The following CTNNBL1 variants were observed in gnomAD, a reference collection of about 807,000 sequenced individuals.
CTNNBL1 encodes the protein catenin beta like 1.
In CTNNBL1, 31 loss-of-function variants were observed where a neutral mutation model predicts 72.7. The observed-to-expected ratio is 0.43, with a 90% CI of 0.32 to 0.58. The LOEUF (loss-of-function observed/expected upper bound fraction) is 0.58, where lower values mean the gene tolerates loss of function less well. CTNNBL1 is among the 20% of genes least tolerant of loss of function. CTNNBL1 has a pLI of 0.08. For synonymous variants in CTNNBL1, 240 were observed against 267.3 expected, an observed-to-expected ratio of 0.90 and a Z score of 1.00; for missense variants, 534 against 725.1, an observed-to-expected ratio of 0.74 and a Z score of 3.03.
chr20:37,710,572 C>T (rs183732254), intron 1 of CTNNBL1, among the ~76,000 whole-genome samples: 2 of 152,278 alleles, frequency 1.3e-5, no homozygotes, highest in Admixed American at 6.5e-5. Flanking sequence ...TTGCCCCCCC[C>T]ACTGCCATCC....
intron 13 of CTNNBL1, 50 bp from the exon 14 acceptor site, chr20:37,859,849 C>A: frequency 6.3e-7 from 1 of 1,594,266 alleles, no homozygotes; most frequent in Non-Finnish European, 8.6e-7. Flanking sequence ...TCCATTCTTT[C>A]CTCCCATTCA....
At chr20:37,844,083 G>T (rs1428719789) in intron 13 of CTNNBL1, among the ~76,000 whole-genome samples, 2 of 152,106 alleles carry the variant, frequency 1.3e-5, no homozygotes, top group Admixed American at 1.3e-4. Flanking sequence ...TAAATTGTGG[G>T]AATAATGTAC....
chr20:37,838,196 G>A (rs1454353006), intron 11 of CTNNBL1, among the ~76,000 whole-genome samples: 1 of 152,232 alleles, frequency 6.6e-6, no homozygotes, highest in Non-Finnish European at 1.5e-5. Context: ...GTCTGAGTTG[G>A]GGAGTCACTG....
At position 37,737,453 on chromosome 20, in the gene CTNNBL1, T is replaced by C; in HGVS notation, c.295T>C (p.Leu99=). ...FEKRSYKNQE[L]RIKFPDNPEK... ...AAAGAGATCATATAAAAACCAAGAA[T>C]TGCGGATTAAGTTTCCAGACAATCC... Residue 99 remains leucine (L), a synonymous_variant, in exon 3 of 16, where the codon TTG becomes CTG. Transcript: ENST00000361383. 1 of 1,612,854 alleles carries C rather than the reference T, an allele frequency of 6.2e-7. No individual in the cohort carries two copies. The highest frequency in any genetic ancestry group is 2.2e-5 in the East Asian group (1 of 44,848).
chr20:37,747,434 A>G (rs1446098877), intron 4 of CTNNBL1, among the ~76,000 whole-genome samples: 1 of 148,088 alleles, frequency 6.8e-6, no homozygotes, highest in Non-Finnish European at 1.5e-5. Flanking sequence ...AGCATTTAAT[A>G]TTTGTTGAGT....
chr20:37,867,939 C>G (rs1003115175), intron 15 of CTNNBL1, among the ~76,000 whole-genome samples: 3 of 152,140 alleles, frequency 2.0e-5, no homozygotes, highest in African/African-American at 7.2e-5. Context: ...GAGCACTAGG[C>G]CAGTGGATGA....
chr20:37,853,323 C>T (rs147000177), intron 13 of CTNNBL1, among the ~76,000 whole-genome samples: 1 of 152,330 alleles, frequency 6.6e-6, no homozygotes, highest in African/African-American at 2.4e-5. Flanking sequence ...TATTATAGAT[C>T]AGACTCCTTC....
intron 4 of CTNNBL1, among the ~76,000 whole-genome samples, chr20:37,756,581 G>C (rs1478366674): frequency 1.4e-5 from 2 of 142,808 alleles, no homozygotes; most frequent in East Asian, 4.1e-4. Flanking sequence ...TCTCCTTCAT[G>C]TTTTCTTTTC....
intron 10 of CTNNBL1, among the ~76,000 whole-genome samples, chr20:37,800,018 T>C (rs1489844039): frequency 6.6e-6 from 1 of 152,222 alleles, no homozygotes. Context: ...CCTGGCTGGC[T>C]AGTCTGACCC....
Position 37,709,474 on chromosome 20 carries a change from T to A in CTNNBL1, c.30+15322T>A, listed in dbSNP as rs146256748. The stretch of plus-strand genomic sequence containing the variant: ...GGTATATAATGTTGGAATGCGATTT[T>A]CTTTGCAGCTTTGTATAAAAAGAAA... On this transcript the variant is annotated intron_variant, in intron 1 of 15. Transcript: ENST00000361383. Among the ~76,000 whole-genome samples the A allele has an allele frequency of 2.8e-3, 428 of 152,362 alleles. 5 individuals carry two copies. Among genetic ancestry groups the A allele is most frequent in the East Asian group, 0.017 (89 of 5,194 alleles).
intron 1 of CTNNBL1, among the ~76,000 whole-genome samples, chr20:37,698,413 T>A (rs572356778): frequency 2.0e-4 from 31 of 152,290 alleles, no homozygotes; most frequent in African/African-American, 7.5e-4. Context: ...AAAAACCAGC[T>A]CTAGGCCTTT....
chr20:37,799,942 A>G (rs2073810032), intron 10 of CTNNBL1, among the ~76,000 whole-genome samples: 1 of 152,188 alleles, frequency 6.6e-6, no homozygotes, highest in African/African-American at 2.4e-5. Flanking sequence ...GATGGCCTGT[A>G]GCTCCAAGGG....
At chr20:37,780,210 CA>C in intron 10 of CTNNBL1, among the ~76,000 whole-genome samples, 1 of 150,930 alleles carries the variant, frequency 6.6e-6, no homozygotes, top group South Asian at 2.1e-4. Flanking sequence ...CTTAAAACTT[CA>C]AGTATACTGA....
chr20:37,799,932 G>C (rs904003962), intron 10 of CTNNBL1, among the ~76,000 whole-genome samples: 3 of 152,138 alleles, frequency 2.0e-5, no homozygotes, highest in Non-Finnish European at 4.4e-5. Context: ...AGTAAACCAG[G>C]ATGGCCTGTA....
At chr20:37,753,394 A>G (rs1231364514) in intron 4 of CTNNBL1, among the ~76,000 whole-genome samples, 2 of 152,158 alleles carry the variant, frequency 1.3e-5, no homozygotes, top group Non-Finnish European at 2.9e-5. Flanking sequence ...TTTGTCTAAA[A>G]TGTTTCTTAT....
At chr20:37,825,212 G>A (rs983016877) in intron 11 of CTNNBL1, among the ~76,000 whole-genome samples, 1 of 151,950 alleles carries the variant, frequency 6.6e-6, no homozygotes, top group South Asian at 2.1e-4. Context: ...AATTAGTCGG[G>A]CATGGTGGCA....
chr20:37,844,191 A>G (rs1221304198), intron 13 of CTNNBL1, among the ~76,000 whole-genome samples: 1 of 152,212 alleles, frequency 6.6e-6, no homozygotes, highest in African/African-American at 2.4e-5. Context: ...CAGCCCTGAC[A>G]GAATCCCCGA....
chr20:37,760,414 C>G (rs2073405918), intron 5 of CTNNBL1, among the ~76,000 whole-genome samples: 1 of 152,200 alleles, frequency 6.6e-6, no homozygotes, highest in Non-Finnish European at 1.5e-5. Flanking sequence ...ATCCCTTTAT[C>G]TCTTCCCTTT....
chr20:37,714,415 T>C (rs942554298), intron 1 of CTNNBL1, among the ~76,000 whole-genome samples: 2 of 152,250 alleles, frequency 1.3e-5, no homozygotes, highest in Non-Finnish European at 2.9e-5. Flanking sequence ...TTTTCTTGCC[T>C]TTTCCTTGAT....
Sources: allele counts gnomAD v4.1 joint callset (sites outside exome capture counted in the v4.1 genomes callset), GRCh38; gene constraint gnomAD v4.1.1; transcripts MANE v1.5; gene names NCBI Gene and HGNC (gene_info 2026-07-23, HGNC 2026-07-21).